Variants in NOTCH2 observed in about 807,000 individuals in gnomAD.
The protein encoded by NOTCH2 is notch receptor 2.
NOTCH2 carries 29 observed loss-of-function variants against 235.8 expected under a neutral mutation model. That is an observed-to-expected ratio of 0.12 (90% CI 0.09 to 0.17). The LOEUF (loss-of-function observed/expected upper bound fraction) is 0.17, where lower values mean the gene tolerates loss of function less well. NOTCH2 is among the 10% of genes least tolerant of loss of function. NOTCH2 has a pLI of 1.00. For missense variants in NOTCH2, 2,285 were observed against 3,150.2 expected, an observed-to-expected ratio of 0.73 and a Z score of 6.57; for synonymous variants, 1,086 against 1,141.5, an observed-to-expected ratio of 0.95 and a Z score of 0.98.
At chr1:120,038,178 C>T (rs1464971762) in intron 1 of NOTCH2, among the ~76,000 whole-genome samples, 1 of 152,056 alleles carries the variant, frequency 6.6e-6, no homozygotes, top group Non-Finnish European at 1.5e-5. Flanking sequence ...AATTTCAATA[C>T]CTGGATCTTG....
chr1:119,942,432 G>T (rs1650094888), intron 17 of NOTCH2, among the ~76,000 whole-genome samples: 1 of 152,148 alleles, frequency 6.6e-6, no homozygotes, highest in Non-Finnish European at 1.5e-5. Context: ...TGCAAAGACA[G>T]GTCATACATG....
chr1:120,004,167 C>T (rs1173918245), intron 3 of NOTCH2, among the ~76,000 whole-genome samples: 1 of 151,952 alleles, frequency 6.6e-6, no homozygotes, highest in African/African-American at 2.4e-5. Context: ...TTTCAGAAGT[C>T]CAGGTGAGAG....
At chr1:119,931,167 T>C (rs587615632) in intron 22 of NOTCH2, among the ~76,000 whole-genome samples, 1 of 151,554 alleles carries the variant, frequency 6.6e-6, no homozygotes, top group Admixed American at 6.6e-5. Context: ...ACTTGCATTG[T>C]AGCATACACT....
intron 2 of NOTCH2, among the ~76,000 whole-genome samples, chr1:120,025,376 C>A (rs1335691596): frequency 1.1e-4 from 16 of 152,140 alleles, no homozygotes; most frequent in African/African-American, 3.9e-4. Context: ...AGGCCCCTCA[C>A]ACTTACCACT....
chr1:119,965,593 G>T (rs1019874580), intron 9 of NOTCH2, 27 bp from the exon 10 acceptor site: 2 of 1,433,864 alleles, frequency 1.4e-6, no homozygotes, highest in South Asian at 2.3e-5. Context: ...GGTAACATGA[G>T]TCAAAGGATT....
rs782325711 is a variant in NOTCH2, at chr1:119,955,193, T to C, written c.2066A>G (p.Asn689Ser). 2 of 1,613,992 alleles carry C rather than the reference T, an allele frequency of 1.2e-6. No homozygotes were observed. The highest frequency in any genetic ancestry group is 1.7e-6 in the Non-Finnish European group (2 of 1,179,970). Residue 689 changes from asparagine (N) to serine (S), a missense_variant, in exon 13 of 34, where the codon AAT (asparagine) becomes AGT (serine). Coordinates refer to ENST00000256646, the MANE Select transcript of NOTCH2 (RefSeq NM_024408.4). The stretch of plus-strand genomic sequence containing the variant: ...ACATGTTGCACCCTTGCGACAGGGA[T>C]TGGAGGCACACTCATCAATGTCAAT... ...CNIDIDECAS[N>S]PCRKGATCIN...
At chr1:119,963,093 A>G (rs1334207374) in intron 11 of NOTCH2, among the ~76,000 whole-genome samples, 1 of 152,084 alleles carries the variant, frequency 6.6e-6, no homozygotes, top group African/African-American at 2.4e-5. Context: ...GAGACAAGTG[A>G]CTGAAGAAAC....
At chr1:119,949,229 T>TAAGA in intron 15 of NOTCH2, 103 bp from the exon 16 acceptor site, 1 of 1,211,458 alleles carries the variant, frequency 8.3e-7, no homozygotes, top group Non-Finnish European at 1.2e-6. Context: ...AAGTCCTGAT[T>TAAGA]AAGAGGCTTT....
At chr1:119,960,231 C>A (rs1188509664) in intron 11 of NOTCH2, among the ~76,000 whole-genome samples, 1 of 152,020 alleles carries the variant, frequency 6.6e-6, no homozygotes, top group Non-Finnish European at 1.5e-5. Context: ...AAAACTTAAG[C>A]TTTCAAATCA....
chr1:119,938,264 T>C (rs1649933601), intron 19 of NOTCH2, among the ~76,000 whole-genome samples: 1 of 152,060 alleles, frequency 6.6e-6, no homozygotes, highest in Non-Finnish European at 1.5e-5. Context: ...CAACGATATA[T>C]AACGAAACCA....
chr1:119,934,307 T>C lies in NOTCH2; in HGVS notation c.3655+1165A>G, dbSNP rs77065272. Among the ~76,000 whole-genome samples, 513 of 152,316 alleles carry C rather than the reference T, an allele frequency of 3.4e-3. 1 individual carries two copies. Among genetic ancestry groups the C allele is most frequent in the African/African-American group, 0.012 (500 of 41,562 alleles). Reference sequence around the variant, plus strand: ...ACAGCCTATAGAACTGCGAGCCAAATATACCTCTTTCGAAAAATAAATTAC... The same window carrying C: ...ACAGCCTATAGAACTGCGAGCCAAACATACCTCTTTCGAAAAATAAATTAC... On this transcript the variant is annotated intron_variant, in intron 22 of 33. Coordinates refer to ENST00000256646, the MANE Select transcript of NOTCH2 (RefSeq NM_024408.4).
In NOTCH2 at chr1:119,915,405, C is replaced by A. The variant is rs1283706995; in HGVS notation, c.7317G>T (p.Val2439=). The A allele has an allele frequency of 6.2e-7, 1 of 1,614,044 alleles. No individual in the cohort carries two copies. Among genetic ancestry groups the A allele is most frequent in the African/African-American group, 1.3e-5 (1 of 74,928 alleles). The change falls in exon 34 of 34, where the codon GTG becomes GTT. Residue 2439 remains valine (V), a synonymous_variant. Coordinates refer to ENST00000256646, the MANE Select transcript of NOTCH2 (RefSeq NM_024408.4). ...CACCCCCAGGGGTAGGGCTGGTGGT[C>A]ACATCTGACCAGTCAGAAGCAGAGT... is the stretch of plus-strand genomic sequence containing the variant. The part of the protein sequence containing the change: ...SPHSASDWSD[V]TTSPTPGGAG...
intron 7 of NOTCH2, 62 bp downstream of exon 7, chr1:119,968,015 G>A (rs1553199903): frequency 1.3e-6 from 2 of 1,594,304 alleles, no homozygotes; most frequent in African/African-American, 1.3e-5. Flanking sequence ...ATGTGCTTCA[G>A]TTTAAACATT....
intron 5 of NOTCH2, among the ~76,000 whole-genome samples, chr1:119,975,303 G>A (rs1186978344): frequency 2.0e-5 from 3 of 152,144 alleles, no homozygotes; most frequent in African/African-American, 7.2e-5. Flanking sequence ...CCTCCATGCT[G>A]ATCTTTTCTT....
rs143134864 is a variant in NOTCH2 at position 119,922,375 on chromosome 1, T to C, written c.5074A>G (p.Ile1692Val). 188 of 1,614,074 alleles carry C rather than the reference T, an allele frequency of 1.2e-4. 3 individuals carry two copies. In the African/African-American group the frequency reaches 2.1e-3, roughly 18 times the overall value. The change falls in exon 28 of 34, where the codon ATT becomes GTT. Residue 1692 changes from isoleucine to valine, a missense_variant. Transcript: ENST00000256646. The part of the protein sequence containing the change: ...LAVAVVIILF[I>V]ILLGVIMAKR... ...GCCATGATTACCCCCAGCAGAATAA[T>C]AAACAGAATGATGACAACAGCAACA...
chr1:119,988,936 A>C (rs1240581717), intron 4 of NOTCH2, among the ~76,000 whole-genome samples: 1 of 152,246 alleles, frequency 6.6e-6, no homozygotes, highest in Non-Finnish European at 1.5e-5. Flanking sequence ...ACCACAGACA[A>C]GAAAGCAGAA....
Position 119,915,144 on chromosome 1 carries a change from C to T in NOTCH2, c.*162G>A, listed in dbSNP as rs375690822. ...CCTTGCAGATACCCAGTGAAACTGA[C>T]GAATTGCTTCTCTTGCATTATCTGA... On this transcript the variant is annotated 3_prime_UTR_variant, in exon 34 of 34. Transcript: ENST00000256646. 19 of 737,382 alleles carry T rather than the reference C, an allele frequency of 2.6e-5. No individual in the cohort carries two copies. The highest frequency in any genetic ancestry group is 3.7e-4 in the Middle Eastern group (1 of 2,672). The allele number at this position is 737,382 out of a possible 1,614,324, so 45.7% of individuals were successfully genotyped here.
At chr1:119,999,976 AAAGGAAGGAAGG>A (rs58775950) in intron 3 of NOTCH2, among the ~76,000 whole-genome samples, 4,067 of 56,012 alleles carry the variant, frequency 0.073, 321 homozygotes, top group African/African-American at 0.19. Context: ...AGAAAGAAAG[AAAGGAAGGAAGG>A]AAGGAAGGAA....
intron 25 of NOTCH2, 56 bp from the exon 26 acceptor site, chr1:119,924,040 A>G (rs1219759118): frequency 1.2e-5 from 17 of 1,432,428 alleles, no homozygotes; most frequent in African/African-American, 2.8e-5. Context: ...CTGGAGCTCT[A>G]TTTGCTTTTT....
Sources: allele counts gnomAD v4.1 joint callset (sites outside exome capture counted in the v4.1 genomes callset), GRCh38; gene constraint gnomAD v4.1.1; transcripts MANE v1.5; gene names NCBI Gene and HGNC (gene_info 2026-07-23, HGNC 2026-07-21).